MAGI1: variants seen among roughly 807,000 people sequenced by gnomAD.
The protein encoded by MAGI1 is membrane-associated guanylate kinase, WW and PDZ domain-containing protein 1.
Under a neutral mutation model 139.9 loss-of-function variants are expected in MAGI1, and 58 were observed. The observed-to-expected ratio is 0.41, with a 90% CI of 0.34 to 0.52. The LOEUF (loss-of-function observed/expected upper bound fraction) is 0.52. Among genes scored for constraint, MAGI1 ranks in the 20% least tolerant of loss-of-function variants. MAGI1 has a pLI of 0.12. For missense variants in MAGI1, 1,874 were observed against 1,901.6 expected (o/e 0.99, Z 0.27); for synonymous variants, 812 against 737.9 (o/e 1.10, Z -1.63).
rs75980482 is a variant in MAGI1 at position 65,753,613 on chromosome 3, C to G, written c.314-131525G>C. ...GCACATGCCTGTAATCCCAGCTACT[C>G]GGGAGGCTGAGGCAGCAGAATCACT... On this transcript the variant is annotated intron_variant, in intron 1 of 22. Transcript: ENST00000402939. Among the ~76,000 whole-genome samples the G allele has an allele frequency of 2.3e-4, 34 of 150,326 alleles. No individual in the cohort carries two copies. In the East Asian group the frequency reaches 5.5e-3, roughly 24 times the overall value.
intron 5 of MAGI1, among the ~76,000 whole-genome samples, chr3:65,457,709 A>T (rs1949497129): frequency 6.6e-6 from 1 of 152,150 alleles, no homozygotes; most frequent in Non-Finnish European, 1.5e-5. Context: ...GGTGTAGAAG[A>T]TACTTCGATA....
intron 1 of MAGI1, among the ~76,000 whole-genome samples, chr3:65,803,176 AC>A (rs1300709187): frequency 2.0e-5 from 3 of 152,172 alleles, no homozygotes; most frequent in East Asian, 3.9e-4. Flanking sequence ...GAGTTAGCAA[AC>A]ATCTCTAATC....
At chr3:66,028,917 T>C (rs1012224219) in intron 1 of MAGI1, among the ~76,000 whole-genome samples, 1 of 152,154 alleles carries the variant, frequency 6.6e-6, no homozygotes, top group African/African-American at 2.4e-5. Flanking sequence ...GATTCTTTCT[T>C]CTCTCCCAAG....
At chr3:65,677,904 A>G (rs1171762434) in intron 1 of MAGI1, among the ~76,000 whole-genome samples, 2 of 152,222 alleles carry the variant, frequency 1.3e-5, no homozygotes, top group African/African-American at 4.8e-5. Context: ...TCACAAAAGC[A>G]AAGACTTGGA....
chr3:65,832,473 T>C (rs1302038026), intron 1 of MAGI1, among the ~76,000 whole-genome samples: 2 of 152,048 alleles, frequency 1.3e-5, no homozygotes, highest in East Asian at 3.9e-4. Flanking sequence ...ACTGCTAGCA[T>C]GTCTCTGAAT....
At chr3:65,467,704 A>G (rs1326339196) in intron 5 of MAGI1, among the ~76,000 whole-genome samples, 1 of 152,222 alleles carries the variant, frequency 6.6e-6, no homozygotes, top group Non-Finnish European at 1.5e-5. Flanking sequence ...TTTCCAATAT[A>G]TCAAGTCAGT....
intron 1 of MAGI1, among the ~76,000 whole-genome samples, chr3:65,831,965 CT>C (rs2042554812): frequency 6.6e-6 from 1 of 152,182 alleles, no homozygotes; most frequent in Non-Finnish European, 1.5e-5. Context: ...TTGTGGGGGC[CT>C]TGCCTTTCAT....
At chr3:65,783,586 T>C (rs2039114061) in intron 1 of MAGI1, among the ~76,000 whole-genome samples, 1 of 152,064 alleles carries the variant, frequency 6.6e-6, no homozygotes, top group African/African-American at 2.4e-5. Flanking sequence ...CTCAATCTCC[T>C]TGGCTCAAGC....
At chr3:65,477,289 A>G (rs1950945186) in intron 4 of MAGI1, among the ~76,000 whole-genome samples, 2 of 152,222 alleles carry the variant, frequency 1.3e-5, no homozygotes, top group Admixed American at 1.3e-4. Context: ...CAGGTTGCAA[A>G]CAGCATTCAT....
At chr3:65,388,787 C>T (rs979271898) in intron 14 of MAGI1, among the ~76,000 whole-genome samples, 8 of 150,294 alleles carry the variant, frequency 5.3e-5, no homozygotes, top group South Asian at 2.1e-4. Context: ...CTATCCGATT[C>T]CTTAGATGTT....
At chr3:65,725,295 T>C (rs867661952) in intron 1 of MAGI1, among the ~76,000 whole-genome samples, 2 of 152,202 alleles carry the variant, frequency 1.3e-5, no homozygotes, top group Non-Finnish European at 2.9e-5. Context: ...ACTTGACTTC[T>C]GTGTACCCCA....
intron 13 of MAGI1, among the ~76,000 whole-genome samples, chr3:65,395,779 T>C (rs1944346696): frequency 6.8e-6 from 1 of 147,398 alleles, no homozygotes; most frequent in South Asian, 2.2e-4. Flanking sequence ...ACGTAAGGAG[T>C]TTGGGTTTCA....
chr3:65,483,074 G>A (rs1016785510), intron 3 of MAGI1, among the ~76,000 whole-genome samples: 2 of 152,240 alleles, frequency 1.3e-5, no homozygotes, highest in African/African-American at 4.8e-5. Flanking sequence ...ATGAGCAGAG[G>A]CATGAGTAGA....
intron 1 of MAGI1, among the ~76,000 whole-genome samples, chr3:65,633,866 G>A (rs1288896716): frequency 6.6e-6 from 1 of 152,182 alleles, no homozygotes; most frequent in Non-Finnish European, 1.5e-5. Flanking sequence ...ACCAAAAGCT[G>A]AAATCAAGTG....
rs751205437 is a variant in MAGI1, at chr3:65,791,826, GTTTC to G, written c.314-169742_314-169739del. 5.9e-5 allele frequency among the ~76,000 whole-genome samples: 9 copies of G among 152,240 alleles called. No homozygotes were observed. The South Asian group carries it at 1.9e-3, about 32-fold the overall frequency. On this transcript the variant is annotated intron_variant, in intron 1 of 22. Transcript: ENST00000402939. Reference sequence around the variant, plus strand: ...AAATATATAGATAAATGTTCTGGGTGTTTCTTTAAGGCTTTTTCAAAAGGACAGT... The same window carrying G: ...AAATATATAGATAAATGTTCTGGGTGTTTAAGGCTTTTTCAAAAGGACAGT...
chr3:65,462,573 T>C (rs1277860642), intron 5 of MAGI1, among the ~76,000 whole-genome samples: 3 of 152,224 alleles, frequency 2.0e-5, no homozygotes, highest in Non-Finnish European at 2.9e-5. Context: ...GCTTTGTTCT[T>C]TTTGCTTAGG....
At chr3:65,970,233 C>G (rs933011389) in intron 1 of MAGI1, among the ~76,000 whole-genome samples, 7 of 152,024 alleles carry the variant, frequency 4.6e-5, no homozygotes, top group African/African-American at 1.7e-4. Flanking sequence ...TGAACTATGC[C>G]GATCACAAAA....
In MAGI1 at chr3:65,816,335, T is replaced by C. The variant is rs2041598416; in HGVS notation, c.314-194247A>G. Among the ~76,000 whole-genome samples, 2 of 152,142 alleles carry C rather than the reference T, an allele frequency of 1.3e-5. 1 individual carries two copies. The highest frequency in any genetic ancestry group is 4.1e-4 in the South Asian group (2 of 4,832). On this transcript the variant is annotated intron_variant, in intron 1 of 22. Transcript: ENST00000402939. ...AATTTCCATAATCTGCACTGTCCAATGTGGTCGCCAATGGCAACAATGGCT... is the reference window on the plus strand; with the variant it reads ...AATTTCCATAATCTGCACTGTCCAACGTGGTCGCCAATGGCAACAATGGCT...
At chr3:65,447,722 T>G (rs895915729) in intron 7 of MAGI1, among the ~76,000 whole-genome samples, 2 of 152,214 alleles carry the variant, frequency 1.3e-5, no homozygotes, top group Admixed American at 6.5e-5. Context: ...GAGCATCTCT[T>G]CGGTTCTTTC....
Sources: gnomAD v4.1 joint callset for allele counts (sites outside exome capture counted in the v4.1 genomes callset) on GRCh38, gnomAD v4.1.1 for gene constraint, MANE v1.5 for transcripts, NCBI Gene and HGNC (gene_info 2026-07-23, HGNC 2026-07-21) for gene names.